CDH23: variants seen among roughly 807,000 people sequenced by gnomAD.
CDH23 encodes the protein cadherin related 23, also known as cadherin-23.
Under a neutral mutation model 317.1 loss-of-function variants are expected in CDH23, and 189 were observed. The observed-to-expected ratio is 0.60, with a 90% CI of 0.53 to 0.67. The LOEUF is 0.67. Ranked by LOEUF, CDH23 falls within the 30% of genes least tolerant of loss-of-function variation. The pLI, the probability that CDH23 is intolerant of heterozygous loss-of-function variation, is 0.00. For missense variants in CDH23, 4,401 were observed against 4,592.4 expected (o/e 0.96, Z 1.20); for synonymous variants, 1,839 against 1,876.8 (o/e 0.98, Z 0.52).
At chr10:71,540,566 C>T (rs1289489366) in intron 6 of CDH23, among the ~76,000 whole-genome samples, 2 of 152,070 alleles carry the variant, frequency 1.3e-5, no homozygotes, top group Non-Finnish European at 2.9e-5. Context: ...CCTGCTTATT[C>T]CCCCCATTTC....
chr10:71,425,213 G>T (rs978926561), intron 1 of CDH23, among the ~76,000 whole-genome samples: 2 of 124,168 alleles, frequency 1.6e-5, no homozygotes, highest in Admixed American at 1.8e-4. Flanking sequence ...TAAAATCACA[G>T]TGGGGCAGAG....
chr10:71,644,992 T>C (rs1156927097), intron 12 of CDH23, among the ~76,000 whole-genome samples: 1 of 152,296 alleles, frequency 6.6e-6, no homozygotes, highest in East Asian at 1.9e-4. Context: ...GTAAGCTGAA[T>C]CTCCCACCTT....
intron 14 of CDH23, among the ~76,000 whole-genome samples, chr10:71,656,376 G>A (rs569873556): frequency 3.3e-5 from 5 of 152,262 alleles, no homozygotes; most frequent in Admixed American, 6.5e-5. Context: ...TCCCTGGATC[G>A]TCTGCTCTCC....
chr10:71,797,186 C>G lies in CDH23; in HGVS notation c.6795C>G (p.Ser2265Arg), dbSNP rs751113848. The change falls in exon 49 of 70, where the codon AGC (serine) becomes AGG (arginine). Residue 2265 changes from serine (S) to arginine (R), a missense_variant. Around this residue, in one of 3 missense-constraint regions of CDH23, gnomAD observed 3,068 missense variants for 3,203.3 expected, o/e 0.96. Transcript: ENST00000224721. ...EVTLSVIDNA[S>R]DLPERSVSVP... ...CTCTCTCAGTGATTGACAATGCCAG[C>G]GACCTACCAGAGCGCTCTGTCAGTG... 6.2e-7 allele frequency: 1 copy of G among 1,613,218 alleles called. No individual in the cohort carries two copies. The highest frequency in any genetic ancestry group is 2.2e-5 in the East Asian group (1 of 44,876).
At chr10:71,650,374 G>T (rs1189747593) in intron 14 of CDH23, among the ~76,000 whole-genome samples, 1 of 152,218 alleles carries the variant, frequency 6.6e-6, no homozygotes, top group Non-Finnish European at 1.5e-5. Flanking sequence ...TGCTCTGAAG[G>T]GTGATCACAC....
chr10:71,761,424 A>G (rs1422885018), intron 38 of CDH23, among the ~76,000 whole-genome samples: 1 of 151,970 alleles, frequency 6.6e-6, no homozygotes, highest in Admixed American at 6.6e-5. Context: ...CCAGCTAACT[A>G]CAAACCCACA....
rs1379919057 is a variant in CDH23, at chr10:71,446,389, C to G, written c.139C>G (p.Pro47Ala). ...ATACCTGCTGATCAGCGAGGACACG[C>G]CTGTGGGTGAGTGGGGGCATGGGCT... ...DTYLLISEDTPVGSSVTQLLA... is the reference protein window; with the variant it reads ...DTYLLISEDTAVGSSVTQLLA... The change falls in exon 3 of 70, where the codon CCT (proline) becomes GCT (alanine). Residue 47 changes from proline to alanine, a missense_variant. By Grantham distance (27) the Pro-to-Ala change is conservative (BLOSUM62 -1). Transcript: ENST00000224721. 6.2e-7 allele frequency: 1 copy of G among 1,614,026 alleles called. No individual in the cohort carries two copies. The highest frequency in any genetic ancestry group is 8.5e-7 in the Non-Finnish European group (1 of 1,179,886).
At chr10:71,504,031 GTT>G (rs199792678) in intron 3 of CDH23, among the ~76,000 whole-genome samples, 2,571 of 146,496 alleles carry the variant, frequency 0.018, 78 homozygotes, top group East Asian at 0.12. Context: ...TCAATTTAAG[GTT>G]TTTTTTTTTT....
chr10:71,792,258 A>G (rs1353714777), intron 47 of CDH23, among the ~76,000 whole-genome samples: 1 of 152,170 alleles, frequency 6.6e-6, no homozygotes, highest in African/African-American at 2.4e-5. Context: ...TCTGTATGTA[A>G]TCTAATATAA....
At position 71,550,258 on chromosome 10, in the gene CDH23, T is replaced by C. The variant is rs535879923; in HGVS notation, c.430-16484T>C. ...GACATATGAATTCTCCCACAGATGTTCTGAGGTTTGGGGTGACACATTAAG... is the reference window on the plus strand; with the variant it reads ...GACATATGAATTCTCCCACAGATGTCCTGAGGTTTGGGGTGACACATTAAG... On this transcript the variant is annotated intron_variant, in intron 6 of 69. Transcript: ENST00000224721. Among the ~76,000 whole-genome samples, 57 of 152,186 alleles carry C rather than the reference T, an allele frequency of 3.7e-4. No homozygotes were observed. In the South Asian group the frequency reaches 0.01, roughly 27 times the overall value.
intron 6 of CDH23, among the ~76,000 whole-genome samples, chr10:71,550,579 A>AAAAAAAAAAAAAAAAG (rs1564647432): frequency 6.6e-5 from 8 of 121,208 alleles, no homozygotes; most frequent in East Asian, 5.0e-4. Context: ...AAAAAAAAAG[A>AAAAAAAAAAAAAAAAG]AAAAAGAAAA....
chr10:71,627,865 C>G (rs1861817663), intron 11 of CDH23, among the ~76,000 whole-genome samples: 1 of 152,182 alleles, frequency 6.6e-6, no homozygotes, highest in Non-Finnish European at 1.5e-5. Flanking sequence ...TCCTGAAGAC[C>G]CCAATGGGAA....
At chr10:71,669,548 A>G (rs948213667) in intron 14 of CDH23, among the ~76,000 whole-genome samples, 2 of 151,778 alleles carry the variant, frequency 1.3e-5, no homozygotes, top group African/African-American at 2.4e-5. Context: ...CCCGGGTTCA[A>G]GCGATTCTCC....
chr10:71,725,601 C>T (rs965546649), intron 30 of CDH23, 81 bp downstream of exon 30: 44 of 1,483,236 alleles, frequency 3.0e-5, no homozygotes, highest in Admixed American at 4.2e-5. Flanking sequence ...CATTAGTTGG[C>T]GCCTGGTGTG....
intron 55 of CDH23, among the ~76,000 whole-genome samples, chr10:71,803,795 C>G (rs1477865337): frequency 7.9e-6 from 1 of 126,416 alleles, no homozygotes; most frequent in African/African-American, 3.2e-5. Flanking sequence ...CATAGTGAAA[C>G]CCGATCTCTA....
In CDH23 at chr10:71,631,756, C is replaced by T. The variant is rs574239274; in HGVS notation, c.1135-12105C>T. 1.7e-4 allele frequency among the ~76,000 whole-genome samples: 26 copies of T among 152,326 alleles called. No individual in the cohort carries two copies. In the Middle Eastern group the frequency reaches 0.014, roughly 80 times the overall value. On this transcript the variant is annotated intron_variant, in intron 11 of 69. Transcript: ENST00000224721. ...CCTTCTAAGAGGGATGCCAGAGGTC[C>T]CCTCCCTAGCTCTGCAGATCACTCA...
intron 3 of CDH23, among the ~76,000 whole-genome samples, chr10:71,449,753 C>A (rs1035085451): frequency 6.6e-6 from 1 of 152,192 alleles, no homozygotes; most frequent in African/African-American, 2.4e-5. Context: ...CACCCCCAAC[C>A]TTCTGAGCCT....
chr10:71,583,972 G>GCAT (rs1450353523), intron 9 of CDH23, among the ~76,000 whole-genome samples: 3 of 151,872 alleles, frequency 2.0e-5, no homozygotes, highest in African/African-American at 7.3e-5. Flanking sequence ...AGCAGCATCA[G>GCAT]CATCATCTGG....
At chr10:71,517,571 C>T (rs950552852) in intron 6 of CDH23, among the ~76,000 whole-genome samples, 4 of 152,008 alleles carry the variant, frequency 2.6e-5, no homozygotes, top group Non-Finnish European at 5.9e-5. Context: ...GGGGGAGATG[C>T]GAGGGGGCTC....
Sources: allele counts gnomAD v4.1 joint callset (sites outside exome capture counted in the v4.1 genomes callset), GRCh38; gene constraint gnomAD v4.1.1; regional missense constraint gnomAD v4.1.1; transcripts MANE v1.5; gene names NCBI Gene and HGNC (gene_info 2026-07-23, HGNC 2026-07-21).